MAP6: variants seen among roughly 807,000 people sequenced by gnomAD.
MAP6 encodes the protein microtubule associated protein 6, also known as microtubule-associated protein 6.
MAP6 carries 26 observed loss-of-function variants against 42.4 expected under a neutral mutation model. The observed-to-expected ratio is 0.61, with a 90% CI of 0.45 to 0.85. The LOEUF (loss-of-function observed/expected upper bound fraction) is 0.85, where lower values mean the gene tolerates loss of function less well. Ranked by LOEUF, MAP6 falls within the 40% of genes least tolerant of loss-of-function variation. The probability of loss-of-function intolerance (pLI) is 0.00; values close to 1 mark genes in which losing one functional copy is unlikely to be tolerated. For missense variants in MAP6, 966 were observed against 1,099.0 expected, an observed-to-expected ratio of 0.88 and a Z score of 1.71; for synonymous variants, 418 against 443.8, an observed-to-expected ratio of 0.94 and a Z score of 0.73.
intron 1 of MAP6, among the ~76,000 whole-genome samples, chr11:75,644,731 G>A (rs2135665501): frequency 6.6e-6 from 1 of 152,252 alleles, no homozygotes; most frequent in South Asian, 2.1e-4. Flanking sequence ...TGTAAAGGCA[G>A]AGACAATATT....
chr11:75,631,363 T>C (rs1313295678), intron 1 of MAP6, among the ~76,000 whole-genome samples: 1 of 152,214 alleles, frequency 6.6e-6, no homozygotes, highest in Non-Finnish European at 1.5e-5. Context: ...TCCTCATCTG[T>C]AAACAGGGAT....
chr11:75,587,472 A>G lies in MAP6; in HGVS notation c.2029T>C (p.Ser677Pro), dbSNP rs759423797. Residue 677 changes from serine (S) to proline (P), a missense_variant, in exon 4 of 4, where the codon TCA becomes CCA. Physicochemically the swap from Ser to Pro is moderately conservative, Grantham distance 74. Around this residue, in one of 2 missense-constraint regions of MAP6, gnomAD observed 943 missense variants for 1,049.9 expected, o/e 0.90. Transcript: ENST00000304771. ...EPVKNQGLVV[S>P]GPVKDQDVVV... ...ACATCTTGATCCTTGACTGGCCCTG[A>G]GACCACTAAACCTTGATTCTTTACA... 1 of 1,614,056 alleles carries G rather than the reference A, an allele frequency of 6.2e-7. No individual in the cohort carries two copies. The highest frequency in any genetic ancestry group is 1.1e-5 in the South Asian group (1 of 91,066).
intron 1 of MAP6, among the ~76,000 whole-genome samples, chr11:75,646,926 A>G (rs1282449627): frequency 6.6e-6 from 1 of 152,236 alleles, no homozygotes; most frequent in East Asian, 1.9e-4. Flanking sequence ...AAGATGAGGT[A>G]AAATATAAGA....
At chr11:75,639,508 G>A (rs2135653139) in intron 1 of MAP6, among the ~76,000 whole-genome samples, 1 of 152,298 alleles carries the variant, frequency 6.6e-6, no homozygotes, top group South Asian at 2.1e-4. Context: ...TCCATTGTGG[G>A]CCAACTTGTC....
intron 1 of MAP6, among the ~76,000 whole-genome samples, chr11:75,636,869 T>C (rs1323313720): frequency 1.3e-5 from 2 of 152,232 alleles, no homozygotes; most frequent in Admixed American, 1.3e-4. Context: ...CTGACCCAAC[T>C]TGGTGCTTCC....
Position 75,667,722 on chromosome 11 carries a change from C to G in MAP6, c.648G>C (p.Glu216Asp). ...VQAAAEAREQ[E>D]AAPGGAGGLA... The stretch of plus-strand genomic sequence containing the variant: ...GGCCACCCGCTCCGCCGGGGGCCGC[C>G]TCCTGCTCCCGGGCCTCAGCGGCGG... The change falls in exon 1 of 4, where the codon GAG becomes GAC. Residue 216 changes from glutamate to aspartate, a missense_variant. Physicochemically the swap from Glu to Asp is conservative, Grantham distance 45. Transcript: ENST00000304771. The surrounding 1 kb of genome is among the most constrained non-coding windows in gnomAD (Gnocchi z 5.6). The G allele has an allele frequency of 7.7e-7, 1 of 1,293,466 alleles. No individual in the cohort carries two copies. 80.1% of individuals were successfully genotyped at this position (1,293,466 alleles called of 1,614,324 possible). A position where few individuals can be genotyped will look rare whatever the true frequency, so the allele number is the denominator to read the frequency against.
At chr11:75,656,047 T>C (rs1943743622) in intron 1 of MAP6, among the ~76,000 whole-genome samples, 1 of 152,260 alleles carries the variant, frequency 6.6e-6, no homozygotes, top group Non-Finnish European at 1.5e-5. Context: ...CTGTTCTTTC[T>C]AATATTCTGC....
chr11:75,639,421 C>A (rs936147168), intron 1 of MAP6, among the ~76,000 whole-genome samples: 11 of 152,146 alleles, frequency 7.2e-5, no homozygotes, highest in East Asian at 1.9e-4. Flanking sequence ...CACAAAAAAA[C>A]CCCAACTTGA....
chr11:75,651,623 T>G (rs1245722510), intron 1 of MAP6, among the ~76,000 whole-genome samples: 1 of 152,248 alleles, frequency 6.6e-6, no homozygotes, highest in African/African-American at 2.4e-5. Context: ...GTGACTCCTG[T>G]ACCTTGCGTT....
intron 1 of MAP6, 145 bp from the exon 2 acceptor site, chr11:75,608,467 T>C (rs907849321): frequency 1.3e-5 from 9 of 682,622 alleles, no homozygotes; most frequent in Admixed American, 5.5e-5. Flanking sequence ...CCTCACTCTT[T>C]CATAAGGAAG....
chr11:75,664,627 G>A (rs888635323), intron 1 of MAP6, among the ~76,000 whole-genome samples: 4 of 152,176 alleles, frequency 2.6e-5, no homozygotes, highest in Non-Finnish European at 1.5e-5. Context: ...GCACAGCTTG[G>A]CTTCTAAGCC....
At chr11:75,619,907 A>G (rs1305476338) in intron 1 of MAP6, among the ~76,000 whole-genome samples, 1 of 152,156 alleles carries the variant, frequency 6.6e-6, no homozygotes, top group Non-Finnish European at 1.5e-5. Context: ...GTCTTCCACA[A>G]TGGTTGAGCT....
chr11:75,626,626 C>T (rs1402422905), intron 1 of MAP6, among the ~76,000 whole-genome samples: 1 of 152,188 alleles, frequency 6.6e-6, no homozygotes, highest in Non-Finnish European at 1.5e-5. Flanking sequence ...GTGCCTGCAG[C>T]AATTATAATA....
chr11:75,593,798 T>C (rs1287150385), intron 3 of MAP6, among the ~76,000 whole-genome samples: 1 of 152,224 alleles, frequency 6.6e-6, no homozygotes, highest in Non-Finnish European at 1.5e-5. Context: ...TTTTAAGATC[T>C]ATTATTTCTC....
chr11:75,587,340 G>C lies in MAP6; in HGVS notation c.2161C>G (p.Pro721Ala). ...GGGCCTTGATCCTTAACTAGTACTGGGAGAATGGGGTCTTGATTCTTCACG... is the reference window on the plus strand; with the variant it reads ...GGGCCTTGATCCTTAACTAGTACTGCGAGAATGGGGTCTTGATTCTTCACG... ...ESVKNQDPIL[P>A]VLVKDQGPTV... The change falls in exon 4 of 4, where the codon CCA (proline) becomes GCA (alanine). Residue 721 changes from proline to alanine, a missense_variant. Coordinates refer to ENST00000304771, the MANE Select transcript of MAP6 (RefSeq NM_033063.2). 6.2e-7 allele frequency: 1 copy of C among 1,614,086 alleles called. No individual in the cohort carries two copies. The highest frequency in any genetic ancestry group is 2.2e-5 in the East Asian group (1 of 44,876).
intron 3 of MAP6, among the ~76,000 whole-genome samples, chr11:75,595,558 A>G (rs1197420814): frequency 6.6e-6 from 1 of 151,872 alleles, no homozygotes; most frequent in Non-Finnish European, 1.5e-5. Context: ...TGGAGTCTAT[A>G]CCTCCAATGA....
In MAP6 at chr11:75,641,930, T is replaced by C. The variant is rs1468225705; in HGVS notation, c.905+25535A>G. On this transcript the variant is annotated intron_variant, in intron 1 of 3. Coordinates refer to ENST00000304771, the MANE Select transcript of MAP6 (RefSeq NM_033063.2). ...GAGGTCAGTAGTGTCCTGAAGCCAG[T>C]TCACAATGGCTGAAGAGAGCCACAG... 2.0e-5 allele frequency among the ~76,000 whole-genome samples: 3 copies of C among 152,234 alleles called. No homozygotes were observed. The East Asian group carries it at 5.8e-4, about 29-fold the overall frequency.
chr11:75,619,275 A>G (rs990585260), intron 1 of MAP6, among the ~76,000 whole-genome samples: 1 of 152,244 alleles, frequency 6.6e-6, no homozygotes, highest in Non-Finnish European at 1.5e-5. Flanking sequence ...CTCAAGAAGA[A>G]ATAGAAAACC....
At chr11:75,626,272 A>G (rs1235647571) in intron 1 of MAP6, among the ~76,000 whole-genome samples, 1 of 152,206 alleles carries the variant, frequency 6.6e-6, no homozygotes, top group Non-Finnish European at 1.5e-5. Flanking sequence ...ATCATGGAGT[A>G]GCAGAGCTGG....
Sources: gnomAD v4.1 joint callset for allele counts (sites outside exome capture counted in the v4.1 genomes callset) on GRCh38, gnomAD v4.1.1 for gene constraint, gnomAD v4.1.1 regional missense constraint, Gnocchi (gnomAD v3.1) non-coding constraint, MANE v1.5 for transcripts, NCBI Gene and HGNC (gene_info 2026-07-23, HGNC 2026-07-21) for gene names.